ZBTB20: variants seen among roughly 807,000 people sequenced by gnomAD.
ZBTB20 encodes zinc finger and BTB domain-containing protein 20.
A neutral mutation model predicts 56.9 loss-of-function variants in ZBTB20; 9 were observed. That is an observed-to-expected ratio of 0.16 (90% confidence interval 0.10 to 0.28). The LOEUF (loss-of-function observed/expected upper bound fraction) is 0.28, where lower values mean the gene tolerates loss of function less well. Among genes scored for constraint, ZBTB20 ranks in the 10% least tolerant of loss-of-function variants. ZBTB20 has a pLI of 1.00. For synonymous variants in ZBTB20, 417 were observed against 420.7 expected, an observed-to-expected ratio of 0.99 and a Z score of 0.11; for missense variants, 655 against 1,003.0, an observed-to-expected ratio of 0.65 and a Z score of 4.69.
chr3:114,431,086 G>A (rs1402389178), intron 7 of ZBTB20, among the ~76,000 whole-genome samples: 3 of 152,124 alleles, frequency 2.0e-5, no homozygotes, highest in Non-Finnish European at 2.9e-5. Context: ...CCCAGTTCAC[G>A]TTCTAGTTTC....
chr3:114,633,974 T>G (rs1251606742), intron 6 of ZBTB20, among the ~76,000 whole-genome samples: 1 of 152,168 alleles, frequency 6.6e-6, no homozygotes, highest in African/African-American at 2.4e-5. Flanking sequence ...TATAAGCTAT[T>G]TGCATGAAGG....
chr3:114,967,956 CAAA>C (rs556742631), intron 3 of ZBTB20, among the ~76,000 whole-genome samples: 2 of 99,946 alleles, frequency 2.0e-5, no homozygotes, highest in Admixed American at 1.1e-4. Flanking sequence ...GACTCTGTCT[CAAA>C]AAAAAAAAAA....
At chr3:114,854,150 A>G (rs2075133874) in intron 4 of ZBTB20, among the ~76,000 whole-genome samples, 1 of 152,192 alleles carries the variant, frequency 6.6e-6, no homozygotes, top group African/African-American at 2.4e-5. Flanking sequence ...CAGTTCTCCC[A>G]TCTGTAAAAC....
intron 2 of ZBTB20, 91 bp downstream of exon 2, chr3:115,071,128 A>G (rs942160647): frequency 2.6e-5 from 4 of 152,214 alleles, no homozygotes; most frequent in African/African-American, 9.6e-5. Flanking sequence ...ATCCTAGCTT[A>G]TATTTTGGAC....
intron 7 of ZBTB20, among the ~76,000 whole-genome samples, chr3:114,486,706 C>T (rs1363440171): frequency 1.3e-5 from 2 of 152,132 alleles, no homozygotes; most frequent in Admixed American, 6.5e-5. Flanking sequence ...ATGAGACACA[C>T]GGTTCTCTCA....
At chr3:114,877,449 C>T (rs865859246) in intron 4 of ZBTB20, among the ~76,000 whole-genome samples, 16 of 152,264 alleles carry the variant, frequency 1.1e-4, no homozygotes, top group South Asian at 8.3e-4. Context: ...TATCAACCTA[C>T]GGGAAAGGAA....
In ZBTB20 at chr3:114,339,633, C is replaced by T. The variant is rs1021676904; in HGVS notation, c.1805-207G>A. On this transcript the variant is annotated intron_variant, in intron 11 of 11. Transcript: ENST00000675478. The surrounding 1 kb of genome is among the most constrained non-coding windows in gnomAD (Gnocchi z 4.2). ...AGAGAAATTTTGCTTTATGGTGATGCCAGGACAGTTTTGTTTTCCATTTCC... is the reference window on the plus strand; with the variant it reads ...AGAGAAATTTTGCTTTATGGTGATGTCAGGACAGTTTTGTTTTCCATTTCC... Among the ~76,000 whole-genome samples the T allele has an allele frequency of 6.6e-6, 1 of 152,194 alleles. No homozygotes were observed. The highest frequency in any genetic ancestry group is 1.5e-5 in the Non-Finnish European group (1 of 68,038).
rs533953352 is a variant in ZBTB20, at chr3:114,735,734, C to T, written c.-342-42159G>A. Among the ~76,000 whole-genome samples, 8 of 152,152 alleles carry T rather than the reference C, an allele frequency of 5.3e-5. No individual in the cohort carries two copies. The East Asian group carries it at 1.2e-3, about 22-fold the overall frequency. The stretch of plus-strand genomic sequence containing the variant: ...CATCTTGTTTATAATAATTGTATAA[C>T]TTACAGATACATACTCATTTATTTT... On this transcript the variant is annotated intron_variant, in intron 5 of 11. Transcript: ENST00000675478.
intron 2 of ZBTB20, among the ~76,000 whole-genome samples, chr3:114,992,084 TTCTG>T (rs2078840349): frequency 6.6e-6 from 1 of 152,022 alleles, no homozygotes; most frequent in African/African-American, 2.4e-5. Flanking sequence ...TTCTCTCTCT[TTCTG>T]TCTTTTTTAC....
chr3:114,567,049 T>C (rs775103542), intron 6 of ZBTB20, among the ~76,000 whole-genome samples: 12 of 152,198 alleles, frequency 7.9e-5, no homozygotes, highest in Non-Finnish European at 1.8e-4. Context: ...GTCATGTGTG[T>C]ATTTTCCTGA....
chr3:114,777,414 G>T (rs2069685710), intron 5 of ZBTB20, among the ~76,000 whole-genome samples: 1 of 152,088 alleles, frequency 6.6e-6, no homozygotes, highest in Admixed American at 6.5e-5. Context: ...TGAGGCAGGA[G>T]AATCTCTTGA....
At chr3:114,911,394 T>G (rs1576303102) in intron 3 of ZBTB20, among the ~76,000 whole-genome samples, 2 of 152,018 alleles carry the variant, frequency 1.3e-5, no homozygotes, top group East Asian at 3.9e-4. Flanking sequence ...GAGCTCCCAC[T>G]TAGCTCCAGT....
chr3:115,074,723 T>C (rs1485935043), intron 1 of ZBTB20, among the ~76,000 whole-genome samples: 2 of 152,132 alleles, frequency 1.3e-5, no homozygotes, highest in Non-Finnish European at 2.9e-5. Flanking sequence ...GTATGCTGTC[T>C]TGAGAGAGTT....
intron 5 of ZBTB20, among the ~76,000 whole-genome samples, chr3:114,746,732 G>A (rs1041908054): frequency 3.3e-5 from 5 of 152,156 alleles, no homozygotes; most frequent in Non-Finnish European, 7.4e-5. Flanking sequence ...TCCTTGTGGC[G>A]TCATGCTAGC....
At chr3:114,435,068 G>T (rs777200153) in intron 7 of ZBTB20, among the ~76,000 whole-genome samples, 3 of 152,140 alleles carry the variant, frequency 2.0e-5, no homozygotes, top group Non-Finnish European at 4.4e-5. Context: ...ATGATCCGGA[G>T]AGAGGTTAAT....
chr3:114,789,692 T>A (rs2070797932), intron 5 of ZBTB20, among the ~76,000 whole-genome samples: 1 of 152,054 alleles, frequency 6.6e-6, no homozygotes, highest in Non-Finnish European at 1.5e-5. Flanking sequence ...CCTTTTAGAG[T>A]TAAGAGTAGA....
chr3:114,695,942 A>G (rs1665971370), intron 5 of ZBTB20, among the ~76,000 whole-genome samples: 1 of 152,056 alleles, frequency 6.6e-6, no homozygotes, highest in South Asian at 2.1e-4. Context: ...TCTGTAATAA[A>G]TTTATCTGAG....
intron 7 of ZBTB20, among the ~76,000 whole-genome samples, chr3:114,465,706 T>TA (rs935402317): frequency 6.4e-4 from 90 of 140,514 alleles, no homozygotes; most frequent in Middle Eastern, 3.6e-3. Flanking sequence ...GATTCTGTCT[T>TA]AAAAAAAAAA....
At chr3:114,946,875 G>T (rs2076904041) in intron 3 of ZBTB20, among the ~76,000 whole-genome samples, 1 of 145,392 alleles carries the variant, frequency 6.9e-6, no homozygotes, top group Admixed American at 6.6e-5. Context: ...CAGATGACCT[G>T]CAGAATGGGA....
Sources: gnomAD v4.1 joint callset for allele counts (sites outside exome capture counted in the v4.1 genomes callset) on GRCh38, gnomAD v4.1.1 for gene constraint, Gnocchi (gnomAD v3.1) non-coding constraint, MANE v1.5 for transcripts, NCBI Gene and HGNC (gene_info 2026-07-23, HGNC 2026-07-21) for gene names.